GRIN2B: variants seen among roughly 807,000 people sequenced by gnomAD.
GRIN2B encodes the protein glutamate receptor ionotropic, NMDA 2B.
GRIN2B carries 5 observed loss-of-function variants against 114.5 expected under a neutral mutation model. That is an observed-to-expected ratio of 0.04 (90% CI 0.02 to 0.09). GRIN2B has a LOEUF of 0.09. Ranked by LOEUF, GRIN2B falls within the 10% of genes least tolerant of loss-of-function variation. The pLI is 1.00. For synonymous variants in GRIN2B, 787 were observed against 745.1 expected (o/e 1.06, Z -0.92); for missense variants, 1,108 against 1,943.5 (o/e 0.57, Z 8.08).
chr12:13,573,755 A>C (rs534477886), intron 10 of GRIN2B, among the ~76,000 whole-genome samples: 2 of 152,318 alleles, frequency 1.3e-5, no homozygotes, highest in Admixed American at 1.3e-4. Flanking sequence ...TGGGATTAGA[A>C]GTAATTCTTT....
chr12:13,683,003 T>C (rs2136548210), intron 4 of GRIN2B, among the ~76,000 whole-genome samples: 1 of 152,270 alleles, frequency 6.6e-6, no homozygotes, highest in East Asian at 1.9e-4. Flanking sequence ...TGGCCAATTA[T>C]CAAAGCAATG....
At chr12:13,652,193 T>C (rs1949820632) in intron 5 of GRIN2B, among the ~76,000 whole-genome samples, 1 of 151,858 alleles carries the variant, frequency 6.6e-6, no homozygotes, top group Non-Finnish European at 1.5e-5. Context: ...TAACTCTTCA[T>C]TACTCTTGAA....
chr12:13,586,613 T>G (rs1474382276), intron 10 of GRIN2B, among the ~76,000 whole-genome samples: 1 of 152,130 alleles, frequency 6.6e-6, no homozygotes, highest in African/African-American at 2.4e-5. Context: ...GAAAGAACTT[T>G]ATAATTTAAG....
At chr12:13,715,268 A>C (rs1334316855) in intron 4 of GRIN2B, among the ~76,000 whole-genome samples, 2 of 151,896 alleles carry the variant, frequency 1.3e-5, no homozygotes, top group African/African-American at 2.4e-5. Flanking sequence ...CCCATATCAT[A>C]TTCACTTCTC....
chr12:13,737,654 C>A (rs1397678455), intron 4 of GRIN2B, among the ~76,000 whole-genome samples: 2 of 152,118 alleles, frequency 1.3e-5, no homozygotes, highest in Non-Finnish European at 2.9e-5. Flanking sequence ...CATCCAGGCA[C>A]CTTTGTGATA....
At chr12:13,842,926 T>C (rs956055713) in intron 3 of GRIN2B, among the ~76,000 whole-genome samples, 1 of 83,292 alleles carries the variant, frequency 1.2e-5, no homozygotes, top group Non-Finnish European at 2.7e-5. Flanking sequence ...TCTTTTTTTT[T>C]TTTTTTTTTT....
intron 5 of GRIN2B, among the ~76,000 whole-genome samples, chr12:13,643,205 C>T (rs956551387): frequency 2.0e-5 from 3 of 152,036 alleles, no homozygotes; most frequent in Non-Finnish European, 4.4e-5. Context: ...TTGAAGAAGT[C>T]AAATTCTTAG....
chr12:13,975,689 G>A (rs1863007512), intron 2 of GRIN2B, among the ~76,000 whole-genome samples: 3 of 152,234 alleles, frequency 2.0e-5, no homozygotes, highest in Admixed American at 1.3e-4. Flanking sequence ...TCTATTATGT[G>A]CTAGTCACTA....
At chr12:13,716,102 C>T (rs571736048) in intron 4 of GRIN2B, among the ~76,000 whole-genome samples, 2 of 152,012 alleles carry the variant, frequency 1.3e-5, no homozygotes, top group South Asian at 4.2e-4. Context: ...AGTTGGTGAC[C>T]TAAACATCAC....
At chr12:13,591,035 G>A (rs755555128) in intron 10 of GRIN2B, among the ~76,000 whole-genome samples, 2 of 152,190 alleles carry the variant, frequency 1.3e-5, no homozygotes, top group Non-Finnish European at 1.5e-5. Flanking sequence ...TTGTCTGAGA[G>A]GGCCATGAAG....
intron 2 of GRIN2B, among the ~76,000 whole-genome samples, chr12:13,916,735 A>ACAAATGTGTGTG (rs59238170): frequency 8.8e-5 from 9 of 101,902 alleles, no homozygotes; most frequent in African/African-American, 3.1e-4. Flanking sequence ...ACACACACAC[A>ACAAATGTGTGTG]TTTGTGTGTG....
At position 13,564,405 on chromosome 12, in the gene GRIN2B, C is replaced by T; in HGVS notation, c.2833G>A (p.Asp945Asn). 1.2e-6 allele frequency: 2 copies of T among 1,614,220 alleles called. No homozygotes were observed. Among genetic ancestry groups the T allele is most frequent in the Non-Finnish European group, 1.7e-6 (2 of 1,180,042 alleles). Residue 945 changes from aspartate (D) to asparagine (N), a missense_variant, in exon 14 of 14, where the codon GAC (aspartate) becomes AAC (asparagine). Asp to Asn is a conservative substitution (Grantham distance 23). Around this residue, in one of 19 missense-constraint regions of GRIN2B, gnomAD observed 140 missense variants for 187.5 expected, o/e 0.75. Transcript: ENST00000609686. The surrounding 1 kb of genome is among the most constrained non-coding windows in gnomAD (Gnocchi z 4.8). ...GGCGGGTTGTTGTAGGATTTGCAGT[C>T]AGAATGCGTGAAGCTGCGGCGGTGC... ...SEHRRSFTHSDCKSYNNPPCE... is the reference protein window; with the variant it reads ...SEHRRSFTHSNCKSYNNPPCE...
At position 13,817,093 on chromosome 12, in the gene GRIN2B, T is replaced by G. The variant is rs1035195568; in HGVS notation, c.411+48705A>C. Among the ~76,000 whole-genome samples the G allele has an allele frequency of 9.9e-5, 15 of 152,268 alleles. No individual in the cohort carries two copies. In the East Asian group the frequency reaches 2.9e-3, roughly 29 times the overall value. The stretch of plus-strand genomic sequence containing the variant: ...ATTGAGGGTTTGGTGCAGGATTTTT[T>G]TTTTTCTCAATTTCTATCCCTTGGT... On this transcript the variant is annotated intron_variant, in intron 3 of 13. Transcript: ENST00000609686.
intron 4 of GRIN2B, among the ~76,000 whole-genome samples, chr12:13,680,882 A>G (rs1950124597): frequency 6.6e-6 from 1 of 152,120 alleles, no homozygotes; most frequent in African/African-American, 2.4e-5. Flanking sequence ...TGATTAATCT[A>G]CCTGCTTGCC....
intron 3 of GRIN2B, among the ~76,000 whole-genome samples, chr12:13,761,523 G>A (rs1863679902): frequency 6.6e-6 from 1 of 152,158 alleles, no homozygotes. Flanking sequence ...CAGAAGTAAG[G>A]GAGCAAAGGT....
At position 13,537,951 on chromosome 12, in the gene GRIN2B, C is replaced by T. The variant is rs1010684326; in HGVS notation, c.*24832G>A. 5.9e-5 allele frequency: 9 copies of T among 152,224 alleles called. No individual in the cohort carries two copies. Among genetic ancestry groups the T allele is most frequent in the African/African-American group, 2.2e-4 (9 of 41,458 alleles). The allele number at this position is 152,224 out of a possible 1,614,324, so 9.4% of individuals were successfully genotyped here. On this transcript the variant is annotated 3_prime_UTR_variant, in exon 14 of 14. Coordinates refer to ENST00000609686, the MANE Select transcript of GRIN2B (RefSeq NM_000834.5). The stretch of plus-strand genomic sequence containing the variant: ...TAATTTTTTTGACAGGCCCTGCAGA[C>T]TCTCAGAACCACTTTTCTGGTGGTC...
chr12:13,733,883 T>C (rs928050814), intron 4 of GRIN2B, among the ~76,000 whole-genome samples: 1 of 152,196 alleles, frequency 6.6e-6, no homozygotes, highest in Non-Finnish European at 1.5e-5. Flanking sequence ...TAAGACATTA[T>C]TTTACAGAGA....
chr12:13,814,907 G>C (rs191187408), intron 3 of GRIN2B, among the ~76,000 whole-genome samples: 1 of 152,060 alleles, frequency 6.6e-6, no homozygotes, highest in Admixed American at 6.6e-5. Flanking sequence ...AGTTCTTCTT[G>C]TCTATGAATG....
intron 2 of GRIN2B, among the ~76,000 whole-genome samples, chr12:13,906,741 T>C (rs897184084): frequency 6.6e-6 from 1 of 152,230 alleles, no homozygotes; most frequent in Non-Finnish European, 1.5e-5. Flanking sequence ...TCTAGCAATG[T>C]CATTGTCAAA....
Sources: allele counts gnomAD v4.1 joint callset (sites outside exome capture counted in the v4.1 genomes callset), GRCh38; gene constraint gnomAD v4.1.1; regional missense constraint gnomAD v4.1.1; non-coding constraint Gnocchi (gnomAD v3.1); transcripts MANE v1.5; gene names NCBI Gene and HGNC (gene_info 2026-07-23, HGNC 2026-07-21).